FAM227B: variants seen among roughly 807,000 people sequenced by gnomAD.
FAM227B encodes family with sequence similarity 227 member B.
A neutral mutation model predicts 73.8 loss-of-function variants in FAM227B; 88 were observed. That is an observed-to-expected ratio of 1.19 (90% CI 1.00 to 1.42). The LOEUF (loss-of-function observed/expected upper bound fraction) is 1.42, where lower values mean the gene tolerates loss of function less well. FAM227B is among the 40% of genes most tolerant of loss of function. The pLI is 0.00. For synonymous variants in FAM227B, 210 were observed against 190.5 expected (o/e 1.10, Z -0.84); for missense variants, 632 against 590.9 (o/e 1.07, Z -0.72).
intron 3 of FAM227B, among the ~76,000 whole-genome samples, chr15:49,608,074 G>A (rs1388179588): frequency 6.6e-6 from 1 of 152,118 alleles, no homozygotes; most frequent in African/African-American, 2.4e-5. Context: ...ACTACTACTA[G>A]AGTATGAGCA....
intron 11 of FAM227B, among the ~76,000 whole-genome samples, chr15:49,473,558 A>G (rs1411297020): frequency 6.6e-6 from 1 of 152,168 alleles, no homozygotes; most frequent in Non-Finnish European, 1.5e-5. Flanking sequence ...TACAGAAAAT[A>G]TTGTGACAAT....
chr15:49,562,478 C>T (rs1023294067), intron 9 of FAM227B, among the ~76,000 whole-genome samples: 7 of 151,728 alleles, frequency 4.6e-5, no homozygotes, highest in Admixed American at 1.3e-4. Context: ...GGAACCTTAG[C>T]GGGGCTTCTC....
Position 49,328,540 on chromosome 15 carries a change from C to T in FAM227B, c.*28G>A, listed in dbSNP as rs2037913735. The stretch of plus-strand genomic sequence containing the variant: ...ATACCACTGAATTGTATGCATTATT[C>T]TTGAATAGAGTTCATTTCTGGTTTC... On this transcript the variant is annotated 3_prime_UTR_variant, in exon 16 of 16. Coordinates refer to ENST00000299338, the MANE Select transcript of FAM227B (RefSeq NM_152647.3). The T allele has an allele frequency of 6.2e-7, 1 of 1,606,666 alleles. No individual in the cohort carries two copies. Among genetic ancestry groups the T allele is most frequent in the South Asian group, 1.1e-5 (1 of 90,004 alleles).
intron 8 of FAM227B, among the ~76,000 whole-genome samples, chr15:49,573,570 G>T (rs1395693534): frequency 6.6e-6 from 1 of 152,122 alleles, no homozygotes; most frequent in Non-Finnish European, 1.5e-5. Context: ...TGTTATCATA[G>T]GAGGGGCCCT....
intron 11 of FAM227B, among the ~76,000 whole-genome samples, chr15:49,395,074 G>A (rs981986930): frequency 6.6e-6 from 1 of 152,028 alleles, no homozygotes; most frequent in Non-Finnish European, 1.5e-5. Context: ...GAACATTTTT[G>A]CTTTATATAT....
At chr15:49,552,579 C>T (rs545342754) in intron 9 of FAM227B, among the ~76,000 whole-genome samples, 13 of 152,302 alleles carry the variant, frequency 8.5e-5, no homozygotes, top group Non-Finnish European at 1.9e-4. Context: ...TACCCCATCT[C>T]TTTTTCTACC....
chr15:49,620,296 T>C (rs2078611279), intron 1 of FAM227B: 1 of 152,240 alleles, frequency 6.6e-6, no homozygotes, highest in Non-Finnish European at 1.5e-5. Context: ...TTCTAGGGCA[T>C]TGTAATGTCC....
chr15:49,429,431 T>C (rs762362414), intron 11 of FAM227B, among the ~76,000 whole-genome samples: 34 of 151,994 alleles, frequency 2.2e-4, no homozygotes, highest in Non-Finnish European at 4.1e-4. Flanking sequence ...GTTCATTCAT[T>C]GCCACGAGTG....
chr15:49,457,704 T>C (rs2053437575), intron 11 of FAM227B, among the ~76,000 whole-genome samples: 1 of 151,888 alleles, frequency 6.6e-6, no homozygotes, highest in South Asian at 2.1e-4. Context: ...CCAATGTCTA[T>C]TACTTCAGTA....
intron 14 of FAM227B, among the ~76,000 whole-genome samples, chr15:49,333,102 C>T (rs1296616568): frequency 1.3e-5 from 2 of 152,108 alleles, no homozygotes; most frequent in Admixed American, 6.6e-5. Flanking sequence ...TAAAATCACT[C>T]CCTCTTCCAA....
At chr15:49,366,480 A>C (rs1332249143) in intron 13 of FAM227B, 2 of 1,118,950 alleles carry the variant, frequency 1.8e-6, no homozygotes, top group Non-Finnish European at 2.7e-6. Context: ...AGTGGTGCGG[A>C]AGTCAGATTC....
intron 9 of FAM227B, among the ~76,000 whole-genome samples, chr15:49,551,054 CG>C (rs2072919726): frequency 6.6e-6 from 1 of 152,248 alleles, no homozygotes; most frequent in Non-Finnish European, 1.5e-5. Flanking sequence ...CCGAGGCTGG[CG>C]GATCACTCGC....
intron 13 of FAM227B, among the ~76,000 whole-genome samples, chr15:49,363,166 A>G (rs913208858): frequency 2.0e-5 from 3 of 152,156 alleles, no homozygotes; most frequent in Admixed American, 6.5e-5. Flanking sequence ...GAAGAATGTC[A>G]TTGGTAGTTT....
chr15:49,393,799 A>G (rs894832746), intron 11 of FAM227B, among the ~76,000 whole-genome samples: 2 of 152,176 alleles, frequency 1.3e-5, no homozygotes, highest in African/African-American at 4.8e-5. Context: ...CAGAAACTTC[A>G]TTTGCAAGAA....
At chr15:49,345,209 G>A (rs1315621327) in intron 13 of FAM227B, among the ~76,000 whole-genome samples, 1 of 152,158 alleles carries the variant, frequency 6.6e-6, no homozygotes, top group Non-Finnish European at 1.5e-5. Context: ...TATTGGTATT[G>A]AAATCAAGAA....
At chr15:49,388,193 A>T (rs946341988) in intron 11 of FAM227B, among the ~76,000 whole-genome samples, 94 of 152,046 alleles carry the variant, frequency 6.2e-4, no homozygotes, top group African/African-American at 2.2e-3. Context: ...ACGCAAAAAG[A>T]ACAAATTTGG....
At chr15:49,442,104 TA>T (rs1297130955) in intron 11 of FAM227B, among the ~76,000 whole-genome samples, 14 of 151,684 alleles carry the variant, frequency 9.2e-5, no homozygotes, top group Admixed American at 9.2e-4. Flanking sequence ...TGAATAAAGG[TA>T]TTGTAAGGCT....
chr15:49,502,552 T>C lies in FAM227B; in HGVS notation c.1012+5659A>G, dbSNP rs374945594. Reference sequence around the variant, plus strand: ...GGAATGGCAATGTTTACCCAATGCCTATACTCCCATCGTATTTTGGAAGTA... The same window carrying C: ...GGAATGGCAATGTTTACCCAATGCCCATACTCCCATCGTATTTTGGAAGTA... On this transcript the variant is annotated intron_variant, in intron 11 of 15. Coordinates refer to ENST00000299338, the MANE Select transcript of FAM227B (RefSeq NM_152647.3). Among the ~76,000 whole-genome samples the C allele has an allele frequency of 2.6e-5, 4 of 152,378 alleles. No homozygotes were observed. The East Asian group carries it at 7.7e-4, about 29-fold the overall frequency.
intron 1 of FAM227B, among the ~76,000 whole-genome samples, chr15:49,616,652 T>C (rs1567715497): frequency 1.3e-5 from 2 of 152,184 alleles, no homozygotes; most frequent in Non-Finnish European, 2.9e-5. Flanking sequence ...TAAACTACTG[T>C]TGTTTAAGTC....
Sources: gnomAD v4.1 joint callset for allele counts (sites outside exome capture counted in the v4.1 genomes callset) on GRCh38, gnomAD v4.1.1 for gene constraint, MANE v1.5 for transcripts, NCBI Gene and HGNC (gene_info 2026-07-23, HGNC 2026-07-21) for gene names.